The following NUP98 variants were observed in gnomAD, a reference collection of about 807,000 sequenced individuals.
NUP98 encodes the protein nuclear pore complex protein Nup98-Nup96.
Under a neutral mutation model 191.9 loss-of-function variants are expected in NUP98, and 26 were observed. The ratio of observed to expected loss-of-function variants is 0.14; its 90% CI spans 0.10 to 0.19. NUP98 has a LOEUF of 0.19. Among genes scored for constraint, NUP98 ranks in the 10% least tolerant of loss-of-function variants. NUP98 has a pLI of 1.00. For missense variants in NUP98, 1,941 were observed against 2,178.8 expected (o/e 0.89, Z 2.17); for synonymous variants, 808 against 778.4 (o/e 1.04, Z -0.63).
At chr11:3,734,556 T>C (rs2079973995) in intron 13 of NUP98, among the ~76,000 whole-genome samples, 1 of 152,204 alleles carries the variant, frequency 6.6e-6, no homozygotes, top group East Asian at 1.9e-4. Flanking sequence ...TTTTCCAATG[T>C]CTCACAGATT....
chr11:3,786,850 C>T (rs1281934563), intron 1 of NUP98, among the ~76,000 whole-genome samples: 3 of 152,226 alleles, frequency 2.0e-5, no homozygotes, highest in East Asian at 3.8e-4. Flanking sequence ...AAAGACTATG[C>T]AAGCTTCCCA....
chr11:3,724,449 T>A (rs67792944), intron 15 of NUP98, among the ~76,000 whole-genome samples: 1,767 of 64,320 alleles, frequency 0.027, 31 homozygotes, highest in African/African-American at 0.1. Context: ...AAAAAAAAAA[T>A]AAATAAATAA....
intron 16 of NUP98, 73 bp downstream of exon 16, chr11:3,723,084 T>C: frequency 7.1e-7 from 1 of 1,413,912 alleles, no homozygotes; most frequent in Admixed American, 1.8e-5. Flanking sequence ...CTTCCATATG[T>C]TGAATATCTG....
At chr11:3,759,888 G>T (rs2081106616) in intron 10 of NUP98, among the ~76,000 whole-genome samples, 1 of 150,984 alleles carries the variant, frequency 6.6e-6, no homozygotes. Flanking sequence ...GCCTAGGCTG[G>T]AATGCAGTGG....
At chr11:3,698,632 C>A (rs1398381527) in intron 25 of NUP98, among the ~76,000 whole-genome samples, 1 of 141,394 alleles carries the variant, frequency 7.1e-6, no homozygotes, top group Non-Finnish European at 1.5e-5. Context: ...GAGGCTGAGG[C>A]AAGAGAATCG....
chr11:3,681,565 T>C (rs1371011080), intron 30 of NUP98, among the ~76,000 whole-genome samples: 1 of 152,212 alleles, frequency 6.6e-6, no homozygotes, highest in Non-Finnish European at 1.5e-5. Flanking sequence ...TCAGAACTCT[T>C]GGCTGACTAG....
chr11:3,741,812 TAGACCATC>T (rs2080295711), intron 12 of NUP98, among the ~76,000 whole-genome samples: 1 of 152,182 alleles, frequency 6.6e-6, no homozygotes, highest in Non-Finnish European at 1.5e-5. Context: ...ACAAGAGCAT[TAGACCATC>T]AGTAATGGTT....
At chr11:3,686,544 A>C (rs1424126699) in intron 28 of NUP98, among the ~76,000 whole-genome samples, 1 of 152,090 alleles carries the variant, frequency 6.6e-6, no homozygotes, top group African/African-American at 2.4e-5. Context: ...TTTGAGACAG[A>C]GTCTCGCTCT....
At chr11:3,700,484 C>A in intron 24 of NUP98, 126 bp downstream of exon 24, 1 of 583,546 alleles carries the variant, frequency 1.7e-6, no homozygotes, top group Non-Finnish European at 3.0e-6. Flanking sequence ...TAAACTCAAC[C>A]TCAGAAAATG....
rs113258937 is a variant in NUP98, at chr11:3,712,452, T to C, written c.2742+112A>G. ...TTGTTTCAACGTGATTGCCAATGTT[T>C]GTACTCTTCAAAGTTCCAAGGGTCA... is the stretch of plus-strand genomic sequence containing the variant. On this transcript the variant is annotated intron_variant, in intron 20 of 32. Transcript: ENST00000324932. 5 of 1,523,386 alleles carry C rather than the reference T, an allele frequency of 3.3e-6. No individual in the cohort carries two copies. The African/African-American group carries it at 5.5e-5, about 17-fold the overall frequency. The allele number at this position is 1,523,386 out of a possible 1,614,324, so 94.4% of individuals were successfully genotyped here.
chr11:3,739,052 T>C (rs1157272037), intron 12 of NUP98, among the ~76,000 whole-genome samples: 1 of 152,012 alleles, frequency 6.6e-6, no homozygotes, highest in Non-Finnish European at 1.5e-5. Flanking sequence ...TAAAAGTAAA[T>C]ACAATTACCT....
In NUP98 at chr11:3,723,371, G is replaced by A; in HGVS notation, c.1932C>T (p.Asn644=). Reference sequence around the variant, plus strand: ...TTTGAGGAATAGGTTTGGCAATAGGGTTAGTATAAAAATGTGAAACAAGGG... The same window carrying A: ...TTTGAGGAATAGGTTTGGCAATAGGATTAGTATAAAAATGTGAAACAAGGG... ...EDSLVSHFYT[N]PIAKPIPQTP... is the part of the protein sequence containing the mutation. Residue 644 remains asparagine (N), a synonymous_variant, in exon 16 of 33, where the codon AAC becomes AAT. Transcript: ENST00000324932. 1 of 1,613,968 alleles carries A rather than the reference G, an allele frequency of 6.2e-7. No individual in the cohort carries two copies. Among genetic ancestry groups the A allele is most frequent in the Non-Finnish European group, 8.5e-7 (1 of 1,179,946 alleles).
At chr11:3,693,470 A>G in intron 26 of NUP98, 95 bp from the exon 27 acceptor site, 1 of 1,222,616 alleles carries the variant, frequency 8.2e-7, no homozygotes, top group Middle Eastern at 2.0e-4. Flanking sequence ...TATTCAAGGA[A>G]CATTTTAAAT....
At chr11:3,776,072 G>C in intron 4 of NUP98, 51 bp from the exon 5 acceptor site, 1 of 1,395,636 alleles carries the variant, frequency 7.2e-7, no homozygotes, top group Non-Finnish European at 1.0e-6. Flanking sequence ...ATTTAAGAAT[G>C]TATAAGATGC....
chr11:3,680,611 G>C (rs2077956152), intron 30 of NUP98, among the ~76,000 whole-genome samples: 1 of 152,096 alleles, frequency 6.6e-6, no homozygotes, highest in Admixed American at 6.5e-5. Flanking sequence ...GCACGATCTT[G>C]GCTCACTGCA....
intron 14 of NUP98, among the ~76,000 whole-genome samples, chr11:3,728,428 G>C (rs1323189171): frequency 6.6e-6 from 1 of 152,192 alleles, no homozygotes; most frequent in African/African-American, 2.4e-5. Context: ...AGATGCAAAA[G>C]AGTAAGAGTA....
Position 3,719,524 on chromosome 11 carries a change from C to A in NUP98, c.2287G>T (p.Asp763Tyr), listed in dbSNP as rs367859929. 6.3e-7 allele frequency: 1 copy of A among 1,590,496 alleles called. No individual in the cohort carries two copies. The highest frequency in any genetic ancestry group is 8.5e-7 in the Non-Finnish European group (1 of 1,171,036). The change falls in exon 18 of 33, where the codon GAT (aspartate) becomes TAT (tyrosine). Residue 763 changes from aspartate to tyrosine, a missense_variant. Physicochemically the swap from Asp to Tyr is radical, Grantham distance 160 (BLOSUM62 -3). This residue lies in a region of NUP98 where 453 missense variants were observed against 438.2 expected (regional missense o/e 1.03). Coordinates refer to ENST00000324932, the MANE Select transcript of NUP98 (RefSeq NM_016320.5). The stretch of plus-strand genomic sequence containing the variant: ...AAATTTAGATTTGTCAAATTCACAT[C>A]TCCTTCAAAATAGATTGAACCATAA... ...KGYGSIYFEG[D>Y]VNLTNLNLDD...
In NUP98 at chr11:3,768,667, G is replaced by A. The variant is rs2081418831; in HGVS notation, c.862C>T (p.Pro288Ser). The change falls in exon 8 of 33, where the codon CCA (proline) becomes TCA (serine). Residue 288 changes from proline (P) to serine (S), a missense_variant. Pro to Ser is a moderately conservative substitution (Grantham distance 74). This residue lies in a region of NUP98 where 181 missense variants were observed against 228.0 expected (regional missense o/e 0.79). Coordinates refer to ENST00000324932, the MANE Select transcript of NUP98 (RefSeq NM_016320.5). Reference sequence around the variant, plus strand: ...TGGGTGGTTGTAGCCTGGCCAAATGGTTTGCTGAAGAGGCTGGTAGTCTGC... The same window carrying A: ...TGGGTGGTTGTAGCCTGGCCAAATGATTTGCTGAAGAGGCTGGTAGTCTGC... ...NQQTTSLFSKPFGQATTTQNT... is the reference protein window; with the variant it reads ...NQQTTSLFSKSFGQATTTQNT... The A allele has an allele frequency of 1.2e-6, 2 of 1,611,246 alleles. No individual in the cohort carries two copies. The highest frequency in any genetic ancestry group is 1.7e-6 in the Non-Finnish European group (2 of 1,178,454).
chr11:3,779,291 T>C (rs763767222), intron 2 of NUP98, 34 bp from the exon 3 acceptor site: 11 of 1,483,296 alleles, frequency 7.4e-6, no homozygotes, highest in African/African-American at 2.8e-5. Context: ...AATTAGAATT[T>C]AGAATAAAAT....
Sources: allele counts gnomAD v4.1 joint callset (sites outside exome capture counted in the v4.1 genomes callset), GRCh38; gene constraint gnomAD v4.1.1; regional missense constraint gnomAD v4.1.1; transcripts MANE v1.5; gene names NCBI Gene and HGNC (gene_info 2026-07-23, HGNC 2026-07-21).